MAML3: variants seen among roughly 807,000 people sequenced by gnomAD.
MAML3 encodes the protein mastermind-like protein 3.
A neutral mutation model predicts 101.9 loss-of-function variants in MAML3; 27 were observed. The observed-to-expected ratio is 0.27, with a 90% CI of 0.20 to 0.37. The LOEUF (loss-of-function observed/expected upper bound fraction) is 0.37. Among genes scored for constraint, MAML3 ranks in the 10% least tolerant of loss-of-function variants. The pLI is 1.00. For synonymous variants in MAML3, 501 were observed against 555.9 expected (o/e 0.90, Z 1.39); for missense variants, 1,316 against 1,444.9 (o/e 0.91, Z 1.45).
intron 1 of MAML3, among the ~76,000 whole-genome samples, chr4:139,976,412 A>C (rs1734340698): frequency 6.6e-6 from 1 of 152,260 alleles, no homozygotes; most frequent in South Asian, 2.1e-4. Flanking sequence ...GTCTGTGCAG[A>C]TGTTAAGACT....
chr4:139,864,482 T>C (rs990584927), intron 2 of MAML3, among the ~76,000 whole-genome samples: 5 of 151,976 alleles, frequency 3.3e-5, no homozygotes, highest in Admixed American at 6.5e-5. Context: ...ATCAAGACCA[T>C]CCTGGCCAAC....
At chr4:139,893,704 G>GTGT (rs1288811118) in intron 1 of MAML3, among the ~76,000 whole-genome samples, 1 of 152,048 alleles carries the variant, frequency 6.6e-6, no homozygotes, top group African/African-American at 2.4e-5. Context: ...ACCCTAAAGA[G>GTGT]TGTTATCCAC....
At chr4:140,126,614 C>T (rs960691339) in intron 1 of MAML3, among the ~76,000 whole-genome samples, 3 of 152,150 alleles carry the variant, frequency 2.0e-5, no homozygotes, top group East Asian at 3.9e-4. Flanking sequence ...TCCTGCTATA[C>T]GTGCTTTGCC....
chr4:139,893,817 A>G (rs1732551612), intron 1 of MAML3, among the ~76,000 whole-genome samples: 1 of 152,124 alleles, frequency 6.6e-6, no homozygotes, highest in African/African-American at 2.4e-5. Flanking sequence ...CCTTTCTGTC[A>G]GAAAGGGCCA....
At chr4:139,851,754 A>G (rs966084733) in intron 2 of MAML3, among the ~76,000 whole-genome samples, 8 of 152,328 alleles carry the variant, frequency 5.3e-5, no homozygotes, top group Middle Eastern at 3.4e-3. Context: ...GCAGACTGTA[A>G]TCATCTTGGC....
chr4:139,778,157 TA>T (rs1401492607), intron 2 of MAML3, among the ~76,000 whole-genome samples: 1 of 152,126 alleles, frequency 6.6e-6, no homozygotes, highest in African/African-American at 2.4e-5. Flanking sequence ...AATGAAAAAA[TA>T]AAATGATGAA....
Position 139,719,785 on chromosome 4 carries a change from G to A in MAML3, c.2955C>T (p.Gly985=), listed in dbSNP as rs1315227298. 2 of 1,613,558 alleles carry A rather than the reference G, an allele frequency of 1.2e-6. No homozygotes were observed. The highest frequency in any genetic ancestry group is 1.7e-6 in the Non-Finnish European group (2 of 1,179,896). ...TSGELGPFNN[G]ASYPLQAGQP... Reference sequence around the variant, plus strand: ...GCCCAGCTTGAAGAGGGTAGCTGGCGCCATTGTTGAATGGTCCCAATTCTC... The same window carrying A: ...GCCCAGCTTGAAGAGGGTAGCTGGCACCATTGTTGAATGGTCCCAATTCTC... The change falls in exon 5 of 5, where the codon GGC becomes GGT. Residue 985 remains glycine, a synonymous_variant. Coordinates refer to ENST00000509479, the MANE Select transcript of MAML3 (RefSeq NM_018717.5).
At chr4:139,900,797 T>G (rs143996281) in intron 1 of MAML3, among the ~76,000 whole-genome samples, 1 of 152,370 alleles carries the variant, frequency 6.6e-6, no homozygotes, top group East Asian at 1.9e-4. Flanking sequence ...CACTGCTTAC[T>G]AAATGTTTCA....
At chr4:139,964,231 A>C (rs1291597458) in intron 1 of MAML3, among the ~76,000 whole-genome samples, 2 of 152,242 alleles carry the variant, frequency 1.3e-5, no homozygotes, top group African/African-American at 2.4e-5. Flanking sequence ...CATGTGGTAC[A>C]TATACAACAT....
At chr4:139,804,269 AT>A (rs57217528) in intron 2 of MAML3, among the ~76,000 whole-genome samples, 9,195 of 146,508 alleles carry the variant, frequency 0.063, 411 homozygotes, top group Non-Finnish European at 0.087. Flanking sequence ...CTCACTAAGG[AT>A]TTTTTTTTTT....
At chr4:139,747,267 C>G (rs750623421) in intron 2 of MAML3, among the ~76,000 whole-genome samples, 5 of 152,240 alleles carry the variant, frequency 3.3e-5, no homozygotes, top group Middle Eastern at 3.4e-3. Context: ...TTTGTGGCGC[C>G]GGTGGGAGGA....
At chr4:139,875,944 A>G (rs1361854378) in intron 2 of MAML3, among the ~76,000 whole-genome samples, 3 of 123,402 alleles carry the variant, frequency 2.4e-5, no homozygotes, top group Non-Finnish European at 3.4e-5. Flanking sequence ...AAAAAAAAAA[A>G]TCACCTCTGG....
At chr4:139,810,648 A>G (rs987012708) in intron 2 of MAML3, among the ~76,000 whole-genome samples, 9 of 152,226 alleles carry the variant, frequency 5.9e-5, no homozygotes, top group African/African-American at 2.2e-4. Flanking sequence ...TGTGTCAGGT[A>G]TATATCTTCT....
At chr4:140,098,002 T>C (rs1728190568) in intron 1 of MAML3, among the ~76,000 whole-genome samples, 1 of 152,214 alleles carries the variant, frequency 6.6e-6, no homozygotes, top group African/African-American at 2.4e-5. Context: ...GTCCTCCACG[T>C]TTTTCTCCAC....
At chr4:139,830,402 G>A (rs1340156410) in intron 2 of MAML3, among the ~76,000 whole-genome samples, 2 of 149,450 alleles carry the variant, frequency 1.3e-5, no homozygotes, top group Non-Finnish European at 3.0e-5. Context: ...ACTTTTGCAC[G>A]CTGTGCTATT....
chr4:139,944,166 G>A (rs1341905883), intron 1 of MAML3, among the ~76,000 whole-genome samples: 11 of 152,094 alleles, frequency 7.2e-5, no homozygotes, highest in Admixed American at 1.3e-4. Flanking sequence ...CACCGTGCCC[G>A]GCCTAAAGAC....
At chr4:139,798,581 T>C (rs1730556354) in intron 2 of MAML3, among the ~76,000 whole-genome samples, 1 of 152,204 alleles carries the variant, frequency 6.6e-6, no homozygotes, top group Admixed American at 6.5e-5. Flanking sequence ...TTGCCAGCCC[T>C]GATCACTGGT....
rs1289508812 is a variant in MAML3, at chr4:139,772,041, C to T, written c.2080-41374G>A. ...GATCACGAGGTCAGCAGATCCAGAC[C>T]ATCCTGGCTAACACGGTGAAACCCC... On this transcript the variant is annotated intron_variant, in intron 2 of 4. Transcript: ENST00000509479. 2.7e-5 allele frequency among the ~76,000 whole-genome samples: 4 copies of T among 150,666 alleles called. No individual in the cohort carries two copies. In the East Asian group the frequency reaches 5.9e-4, roughly 22 times the overall value.
At position 139,919,307 on chromosome 4, in the gene MAML3, C is replaced by T. The variant is rs909271534; in HGVS notation, c.469-28340G>A. Among the ~76,000 whole-genome samples the T allele has an allele frequency of 3.9e-5, 6 of 152,178 alleles. No individual in the cohort carries two copies. In the East Asian group the frequency reaches 1.2e-3, roughly 29 times the overall value. ...TCTCATCCTTGATTTTCTGATATTTCACTTTAAAGTTTTATTCATGGCAAA... is the reference window on the plus strand; with the variant it reads ...TCTCATCCTTGATTTTCTGATATTTTACTTTAAAGTTTTATTCATGGCAAA... On this transcript the variant is annotated intron_variant, in intron 1 of 4. Transcript: ENST00000509479.
Sources: gnomAD v4.1 joint callset for allele counts (sites outside exome capture counted in the v4.1 genomes callset) on GRCh38, gnomAD v4.1.1 for gene constraint, MANE v1.5 for transcripts, NCBI Gene and HGNC (gene_info 2026-07-23, HGNC 2026-07-21) for gene names.